Variants in PTPRT observed in about 807,000 individuals in gnomAD.
PTPRT encodes the protein protein tyrosine phosphatase receptor type T, also known as receptor-type tyrosine-protein phosphatase T.
A neutral mutation model predicts 176.8 loss-of-function variants in PTPRT; 56 were observed. The ratio of observed to expected loss-of-function variants is 0.32; its 90% CI spans 0.26 to 0.40. The LOEUF (loss-of-function observed/expected upper bound fraction) is 0.40. Ranked by LOEUF, PTPRT falls within the 10% of genes least tolerant of loss-of-function variation. The probability of loss-of-function intolerance (pLI) is 1.00; values close to 1 mark genes in which losing one functional copy is unlikely to be tolerated. For missense variants in PTPRT, 1,540 were observed against 1,908.2 expected, an observed-to-expected ratio of 0.81 and a Z score of 3.60; for synonymous variants, 783 against 739.0, an observed-to-expected ratio of 1.06 and a Z score of -0.96.
chr20:42,127,287 C>T (rs1987904063), intron 19 of PTPRT, among the ~76,000 whole-genome samples: 1 of 152,166 alleles, frequency 6.6e-6, no homozygotes, highest in Non-Finnish European at 1.5e-5. Context: ...GATGGAGCCA[C>T]AGACAGGGTA....
chr20:42,154,987 T>G (rs1989290979), intron 17 of PTPRT, among the ~76,000 whole-genome samples: 1 of 152,164 alleles, frequency 6.6e-6, no homozygotes, highest in Non-Finnish European at 1.5e-5. Flanking sequence ...ACCTGAGGGT[T>G]GGCAGAGCAT....
At chr20:42,339,662 A>G (rs1052086125) in intron 11 of PTPRT, among the ~76,000 whole-genome samples, 1 of 152,204 alleles carries the variant, frequency 6.6e-6, no homozygotes, top group Non-Finnish European at 1.5e-5. Flanking sequence ...ATTGTTCAAA[A>G]TGCAGATTCT....
intron 2 of PTPRT, among the ~76,000 whole-genome samples, chr20:42,802,980 C>A (rs2077552570): frequency 6.6e-6 from 1 of 152,164 alleles, no homozygotes; most frequent in Non-Finnish European, 1.5e-5. Flanking sequence ...AGAATAGTAC[C>A]TGACATGTTG....
chr20:42,615,519 T>C (rs2074057802), intron 7 of PTPRT, among the ~76,000 whole-genome samples: 1 of 139,004 alleles, frequency 7.2e-6, no homozygotes, highest in South Asian at 2.2e-4. Context: ...CACAGTGACT[T>C]CTACAATGGT....
Position 42,565,227 on chromosome 20 carries a change from C to T in PTPRT, c.1154-92665G>A, listed in dbSNP as rs534263662. ...CCACCCACCTGGAACTTTCTCCATG[C>T]CTGGGAGGCCTCAAACTGAGAAGCA... On this transcript the variant is annotated intron_variant, in intron 7 of 30. Coordinates refer to ENST00000373187, the MANE Select transcript of PTPRT (RefSeq NM_007050.6). Among the ~76,000 whole-genome samples the T allele has an allele frequency of 6.6e-5, 10 of 152,260 alleles. No individual in the cohort carries two copies. In the East Asian group the frequency reaches 9.6e-4, roughly 15 times the overall value.
intron 1 of PTPRT, among the ~76,000 whole-genome samples, chr20:43,086,676 A>T (rs2011614237): frequency 6.6e-6 from 1 of 152,206 alleles, no homozygotes; most frequent in African/African-American, 2.4e-5. Context: ...GGATTCAAAA[A>T]TGCCTAGAAA....
chr20:42,169,794 C>CACAAA (rs1990001449), intron 16 of PTPRT, among the ~76,000 whole-genome samples: 1 of 45,656 alleles, frequency 2.2e-5, no homozygotes, highest in Non-Finnish European at 4.5e-5. Flanking sequence ...ACACACACAA[C>CACAAA]AGTCAGTATT....
At chr20:42,415,362 T>TTTTA (rs1555845953) in intron 9 of PTPRT, among the ~76,000 whole-genome samples, 1 of 149,674 alleles carries the variant, frequency 6.7e-6, no homozygotes. Flanking sequence ...TTTTTGTCTT[T>TTTTA]TTTGTTTGTT....
At chr20:42,518,649 G>A (rs2072113718) in intron 7 of PTPRT, among the ~76,000 whole-genome samples, 1 of 151,870 alleles carries the variant, frequency 6.6e-6, no homozygotes, top group Non-Finnish European at 1.5e-5. Flanking sequence ...ACGTGCGTGA[G>A]TATGTGTATT....
chr20:42,153,630 C>T (rs1034387624), intron 17 of PTPRT, among the ~76,000 whole-genome samples: 1 of 152,194 alleles, frequency 6.6e-6, no homozygotes, highest in African/African-American at 2.4e-5. Context: ...GAATCTCACA[C>T]GAGGGTACCT....
At chr20:42,930,706 G>A (rs1979788182) in intron 1 of PTPRT, among the ~76,000 whole-genome samples, 1 of 151,562 alleles carries the variant, frequency 6.6e-6, no homozygotes, top group Non-Finnish European at 1.5e-5. Context: ...TCTTGAACTC[G>A]TAGCCTCATA....
At chr20:42,682,736 CA>C (rs1198309182) in intron 6 of PTPRT, among the ~76,000 whole-genome samples, 1 of 151,942 alleles carries the variant, frequency 6.6e-6, no homozygotes, top group Non-Finnish European at 1.5e-5. Flanking sequence ...ACCTGGGCAG[CA>C]GCGGCCCTGA....
At chr20:42,237,374 C>A (rs960120246) in intron 14 of PTPRT, among the ~76,000 whole-genome samples, 1 of 152,050 alleles carries the variant, frequency 6.6e-6, no homozygotes, top group African/African-American at 2.4e-5. Flanking sequence ...ACTCTCTGTT[C>A]CTTCATTTCT....
At chr20:42,398,080 G>T (rs2058868641) in intron 9 of PTPRT, among the ~76,000 whole-genome samples, 1 of 152,014 alleles carries the variant, frequency 6.6e-6, no homozygotes. Context: ...AGTAGCAGAG[G>T]TAGTATCTGG....
chr20:42,665,660 A>C (rs2075302340), intron 7 of PTPRT, among the ~76,000 whole-genome samples: 1 of 152,208 alleles, frequency 6.6e-6, no homozygotes, highest in South Asian at 2.1e-4. Flanking sequence ...TTATTGCGGC[A>C]CTAATCACAA....
chr20:42,354,431 C>T (rs533626038), intron 9 of PTPRT, among the ~76,000 whole-genome samples: 4 of 152,172 alleles, frequency 2.6e-5, no homozygotes, highest in South Asian at 2.1e-4. Context: ...TTGCAGACAC[C>T]GTACTAGGCA....
chr20:43,024,755 T>C (rs1013384421), intron 1 of PTPRT, among the ~76,000 whole-genome samples: 3 of 152,232 alleles, frequency 2.0e-5, no homozygotes, highest in African/African-American at 7.2e-5. Context: ...TCCCAAGAGC[T>C]GGCAATGAGA....
At position 42,778,559 on chromosome 20, in the gene PTPRT, T is replaced by A. The variant is rs564330765; in HGVS notation, c.568+1659A>T. Among the ~76,000 whole-genome samples, 27 of 152,216 alleles carry A rather than the reference T, an allele frequency of 1.8e-4. No homozygotes were observed. In the South Asian group the frequency reaches 5.6e-3, roughly 32 times the overall value. The stretch of plus-strand genomic sequence containing the variant: ...GAGTGGATGGGATGTAGGCAGGGAA[T>A]GAGGAAGACAGAAGGCATGTTTCAG... On this transcript the variant is annotated intron_variant, in intron 4 of 30. Coordinates refer to ENST00000373187, the MANE Select transcript of PTPRT (RefSeq NM_007050.6).
At chr20:42,289,954 T>C (rs553303329) in intron 12 of PTPRT, among the ~76,000 whole-genome samples, 2 of 152,200 alleles carry the variant, frequency 1.3e-5, no homozygotes, top group East Asian at 3.9e-4. Context: ...CCAATTTGTC[T>C]CTGTTGGTCA....
Sources: gnomAD v4.1 joint callset for allele counts (sites outside exome capture counted in the v4.1 genomes callset) on GRCh38, gnomAD v4.1.1 for gene constraint, MANE v1.5 for transcripts, NCBI Gene and HGNC (gene_info 2026-07-23, HGNC 2026-07-21) for gene names.